CACNA2D1: variants seen among roughly 807,000 people sequenced by gnomAD.
The protein encoded by CACNA2D1 is calcium voltage-gated channel auxiliary subunit alpha2delta 1.
A neutral mutation model predicts 171.5 loss-of-function variants in CACNA2D1; 53 were observed. The observed-to-expected ratio is 0.31, with a 90% CI of 0.25 to 0.39. The LOEUF is 0.39. Ranked by LOEUF, CACNA2D1 falls within the 10% of genes least tolerant of loss-of-function variation. CACNA2D1 has a pLI of 1.00. For missense variants in CACNA2D1, 903 were observed against 1,299.8 expected (o/e 0.69, Z 4.69); for synonymous variants, 442 against 443.1 (o/e 1.00, Z 0.03).
intron 1 of CACNA2D1, among the ~76,000 whole-genome samples, chr7:82,385,170 T>C (rs1212176002): frequency 6.6e-6 from 1 of 152,234 alleles, no homozygotes; most frequent in Admixed American, 6.5e-5. Context: ...GCTCAGCTTA[T>C]GCTGTGCTCG....
At chr7:82,033,055 A>G (rs1802905809) in intron 11 of CACNA2D1, 154 bp from the exon 12 acceptor site, 4 of 567,168 alleles carry the variant, frequency 7.1e-6, no homozygotes, top group Non-Finnish European at 1.3e-5. Flanking sequence ...GGATCAGTTC[A>G]GGCCCACCCC....
chr7:82,076,591 A>T (rs925282942), intron 7 of CACNA2D1, among the ~76,000 whole-genome samples: 2 of 152,066 alleles, frequency 1.3e-5, no homozygotes, highest in African/African-American at 4.8e-5. Flanking sequence ...CCTTTTTCAG[A>T]TCTTTAAAAT....
At chr7:82,017,112 C>T (rs990406023) in intron 12 of CACNA2D1, among the ~76,000 whole-genome samples, 1 of 151,940 alleles carries the variant, frequency 6.6e-6, no homozygotes, top group Non-Finnish European at 1.5e-5. Flanking sequence ...TATATATACA[C>T]ACACATACAA....
chr7:82,190,949 C>T (rs1798231439), intron 3 of CACNA2D1, among the ~76,000 whole-genome samples: 1 of 151,512 alleles, frequency 6.6e-6, no homozygotes, highest in Admixed American at 6.6e-5. Context: ...AAAATATGTT[C>T]CATTGTATAT....
chr7:82,193,361 C>A (rs926216024), intron 3 of CACNA2D1, among the ~76,000 whole-genome samples: 4 of 151,928 alleles, frequency 2.6e-5, no homozygotes, highest in African/African-American at 9.6e-5. Context: ...AAAATAGTCC[C>A]GGGCAAACTG....
At chr7:81,962,354 A>G in intron 35 of CACNA2D1, 86 bp downstream of exon 35, 2 of 964,770 alleles carry the variant, frequency 2.1e-6, no homozygotes, top group Non-Finnish European at 3.3e-6. Flanking sequence ...TCACACAAAT[A>G]TTCTCTGAAT....
At chr7:82,251,765 T>C (rs968694577) in intron 3 of CACNA2D1, among the ~76,000 whole-genome samples, 1 of 152,218 alleles carries the variant, frequency 6.6e-6, no homozygotes, top group Non-Finnish European at 1.5e-5. Context: ...TAACTCCCAA[T>C]TAGAAAATAT....
In CACNA2D1 at chr7:81,994,830, T is replaced by A. The variant is rs80109302; in HGVS notation, c.1734+38A>T. On this transcript the variant is annotated intron_variant, in intron 20 of 38. Coordinates refer to ENST00000356860, the MANE Select transcript of CACNA2D1 (RefSeq NM_000722.4). ...TTACCAATATCAATTATTCTTGATA[T>A]AATTTTTATTTAAGAATAAGCTAGA... 5.7e-3 allele frequency: 5,635 copies of A among 983,764 alleles called. 112 individuals are homozygous for A. The highest frequency in any genetic ancestry group is 0.054 in the African/African-American group (3,356 of 62,250). The allele number at this position is 983,764 out of a possible 1,614,324, so 60.9% of individuals were successfully genotyped here. A position where few individuals can be genotyped will look rare whatever the true frequency, so the allele number is the denominator to read the frequency against.
intron 11 of CACNA2D1, among the ~76,000 whole-genome samples, chr7:82,036,837 A>G (rs1803337782): frequency 6.6e-6 from 1 of 152,186 alleles, no homozygotes. Context: ...GATTCAGCAA[A>G]TATTAACAGA....
intron 6 of CACNA2D1, among the ~76,000 whole-genome samples, chr7:82,110,506 T>C (rs1788251047): frequency 6.6e-6 from 1 of 152,172 alleles, no homozygotes; most frequent in Non-Finnish European, 1.5e-5. Context: ...TTTTAGCCTA[T>C]CTGTCTGAGA....
chr7:82,419,799 C>A (rs1195036649), intron 1 of CACNA2D1, among the ~76,000 whole-genome samples: 2 of 152,184 alleles, frequency 1.3e-5, no homozygotes, highest in Non-Finnish European at 2.9e-5. Flanking sequence ...TATCATGGGT[C>A]AATTTACTAT....
chr7:82,234,847 C>T (rs1803362077), intron 3 of CACNA2D1, among the ~76,000 whole-genome samples: 1 of 152,202 alleles, frequency 6.6e-6, no homozygotes, highest in Non-Finnish European at 1.5e-5. Context: ...CTTTTCCCTA[C>T]TTCTGTCTCC....
intron 4 of CACNA2D1, among the ~76,000 whole-genome samples, chr7:82,141,098 T>C (rs1170304859): frequency 6.6e-6 from 1 of 152,174 alleles, no homozygotes; most frequent in East Asian, 1.9e-4. Context: ...TTCTCTTTCC[T>C]ATCAATTCAT....
chr7:82,441,921 C>G (rs1001423482), intron 1 of CACNA2D1, among the ~76,000 whole-genome samples: 3 of 152,268 alleles, frequency 2.0e-5, no homozygotes, highest in Non-Finnish European at 2.9e-5. Context: ...TCTGAAGCAT[C>G]CTTAGGGTGA....
In CACNA2D1 at chr7:82,182,297, A is replaced by G. The variant is rs556352357; in HGVS notation, c.295-11688T>C. ...TCAAATCTCTGTAGGAATTAGGTAA[A>G]AGAATTAAACTACACAACCACTTTA... On this transcript the variant is annotated intron_variant, in intron 3 of 38. Coordinates refer to ENST00000356860, the MANE Select transcript of CACNA2D1 (RefSeq NM_000722.4). Among the ~76,000 whole-genome samples, 5 of 152,298 alleles carry G rather than the reference A, an allele frequency of 3.3e-5. No homozygotes were observed. In the South Asian group the frequency reaches 1.0e-3, roughly 32 times the overall value.
intron 15 of CACNA2D1, among the ~76,000 whole-genome samples, chr7:82,011,340 T>A (rs1431172008): frequency 1.3e-5 from 2 of 152,096 alleles, no homozygotes; most frequent in Non-Finnish European, 2.9e-5. Flanking sequence ...TTGGGCTGCA[T>A]TCAAAGCCAT....
At chr7:82,035,076 T>C (rs543085789) in intron 11 of CACNA2D1, among the ~76,000 whole-genome samples, 2 of 152,206 alleles carry the variant, frequency 1.3e-5, no homozygotes, top group East Asian at 1.9e-4. Flanking sequence ...AAAAACAAGA[T>C]TGTTTCAATA....
At chr7:82,085,724 G>T (rs6977982) in intron 6 of CACNA2D1, among the ~76,000 whole-genome samples, 1 of 151,140 alleles carries the variant, frequency 6.6e-6, no homozygotes, top group African/African-American at 2.4e-5. Context: ...TTAATAATTA[G>T]AGCATGGTGC....
At chr7:82,154,603 AAAG>A (rs1459041083) in intron 4 of CACNA2D1, among the ~76,000 whole-genome samples, 43 of 152,298 alleles carry the variant, frequency 2.8e-4, no homozygotes, top group African/African-American at 1.0e-3. Context: ...AAATTTAAAA[AAAG>A]ATATGGTATG....
Sources: allele counts gnomAD v4.1 joint callset (sites outside exome capture counted in the v4.1 genomes callset), GRCh38; gene constraint gnomAD v4.1.1; transcripts MANE v1.5; gene names NCBI Gene and HGNC (gene_info 2026-07-23, HGNC 2026-07-21).